The following DOK5 variants were observed in gnomAD, a reference collection of about 807,000 sequenced individuals.
The protein encoded by DOK5 is docking protein 5.
DOK5 carries 27 observed loss-of-function variants against 43.3 expected under a neutral mutation model. The observed-to-expected ratio is 0.62, with a 90% CI of 0.46 to 0.86. The LOEUF (loss-of-function observed/expected upper bound fraction) is 0.86, where lower values mean the gene tolerates loss of function less well. DOK5 is among the 40% of genes least tolerant of loss of function. DOK5 has a pLI of 0.00. For synonymous variants in DOK5, 146 were observed against 140.1 expected, an observed-to-expected ratio of 1.04 and a Z score of -0.30; for missense variants, 373 against 392.9, an observed-to-expected ratio of 0.95 and a Z score of 0.43.
At chr20:54,536,130 A>C (rs528184414) in intron 1 of DOK5, among the ~76,000 whole-genome samples, 2 of 152,250 alleles carry the variant, frequency 1.3e-5, no homozygotes, top group South Asian at 4.1e-4. Flanking sequence ...AGACCAAGGC[A>C]AAAACTAAAA....
At chr20:54,508,471 G>C (rs1039991631) in intron 1 of DOK5, among the ~76,000 whole-genome samples, 2 of 151,034 alleles carry the variant, frequency 1.3e-5, no homozygotes, top group Admixed American at 6.6e-5. Flanking sequence ...TATCTGGAGG[G>C]TGGAAATAAG....
At chr20:54,524,763 T>G (rs773780992) in intron 1 of DOK5, among the ~76,000 whole-genome samples, 8 of 152,216 alleles carry the variant, frequency 5.3e-5, no homozygotes, top group Non-Finnish European at 1.2e-4. Flanking sequence ...CCTAATTTGT[T>G]TTTTCTTTCT....
At chr20:54,572,287 T>A (rs774176757) in intron 2 of DOK5, among the ~76,000 whole-genome samples, 1 of 151,954 alleles carries the variant, frequency 6.6e-6, no homozygotes, top group African/African-American at 2.4e-5. Context: ...CAGCCTCCCG[T>A]GTAGCTGGGA....
At chr20:54,528,411 T>C (rs1983651662) in intron 1 of DOK5, among the ~76,000 whole-genome samples, 1 of 152,164 alleles carries the variant, frequency 6.6e-6, no homozygotes, top group African/African-American at 2.4e-5. Context: ...CTGGTATCTT[T>C]CATGTGTCTG....
intron 2 of DOK5, among the ~76,000 whole-genome samples, chr20:54,569,305 C>T (rs1162352962): frequency 6.6e-6 from 1 of 152,230 alleles, no homozygotes; most frequent in Non-Finnish European, 1.5e-5. Context: ...TATGATCACA[C>T]GAATTGCCCT....
intron 1 of DOK5, among the ~76,000 whole-genome samples, chr20:54,553,896 CA>C (rs761243905): frequency 0.054 from 4,315 of 80,080 alleles, 109 homozygotes; most frequent in African/African-American, 0.11. Context: ...GACTCTGTCT[CA>C]AAAAAAAAAA....
At chr20:54,490,457 A>G (rs1982119962) in intron 1 of DOK5, among the ~76,000 whole-genome samples, 1 of 152,084 alleles carries the variant, frequency 6.6e-6, no homozygotes, top group Non-Finnish European at 1.5e-5. Flanking sequence ...AAGTGTGTCT[A>G]GCCATGTGGC....
intron 2 of DOK5, among the ~76,000 whole-genome samples, chr20:54,558,612 A>G (rs572793954): frequency 2.0e-5 from 3 of 152,224 alleles, no homozygotes; most frequent in Non-Finnish European, 4.4e-5. Flanking sequence ...GGTTATAAGT[A>G]GCACACCGTG....
intron 1 of DOK5, among the ~76,000 whole-genome samples, chr20:54,526,333 C>T (rs188891185): frequency 2.2e-4 from 34 of 152,126 alleles, no homozygotes; most frequent in Admixed American, 1.6e-3. Context: ...AAAGCTGGGA[C>T]GACGACGGCA....
rs528264277 is a variant in DOK5 at position 54,486,271 on chromosome 20, C to T, written c.66+10259C>T. ...TCTTCATTGAGCATTTTCATGTCTT[C>T]GCCTGGGTCCTCTATTCTGTTCCAT... On this transcript the variant is annotated intron_variant, in intron 1 of 7. Transcript: ENST00000262593. Among the ~76,000 whole-genome samples the T allele has an allele frequency of 5.3e-5, 8 of 151,926 alleles. 1 individual carries two copies. In the South Asian group the frequency reaches 1.0e-3, roughly 20 times the overall value.
Position 54,496,435 on chromosome 20 carries a change from T to C in DOK5, c.66+20423T>C, listed in dbSNP as rs957902407. Among the ~76,000 whole-genome samples the C allele has an allele frequency of 2.0e-5, 3 of 152,144 alleles. No homozygotes were observed. In the East Asian group the frequency reaches 5.8e-4, roughly 29 times the overall value. On this transcript the variant is annotated intron_variant, in intron 1 of 7. Coordinates refer to ENST00000262593, the MANE Select transcript of DOK5 (RefSeq NM_018431.5). ...CATATTAAATTTAAGGGAGAGCATA[T>C]TGGATGAATAACATCAGTTCAAGTT...
chr20:54,636,062 G>A (rs1048501045), intron 6 of DOK5, among the ~76,000 whole-genome samples: 7 of 152,146 alleles, frequency 4.6e-5, no homozygotes, highest in Non-Finnish European at 1.0e-4. Context: ...AGGGCCGGAA[G>A]AGAGACCAAG....
intron 1 of DOK5, among the ~76,000 whole-genome samples, chr20:54,551,696 T>C (rs1984536643): frequency 6.6e-6 from 1 of 152,240 alleles, no homozygotes; most frequent in Non-Finnish European, 1.5e-5. Flanking sequence ...TCCACCTTTG[T>C]ATCTGTGTTT....
chr20:54,479,267 T>G (rs1044467242), intron 1 of DOK5, among the ~76,000 whole-genome samples: 4 of 152,188 alleles, frequency 2.6e-5, no homozygotes, highest in Non-Finnish European at 5.9e-5. Flanking sequence ...ACTCAAAAGT[T>G]TCAGTATCTT....
intron 2 of DOK5, among the ~76,000 whole-genome samples, chr20:54,567,113 G>T (rs374301821): frequency 6.6e-6 from 1 of 151,854 alleles, no homozygotes; most frequent in Non-Finnish European, 1.5e-5. Flanking sequence ...TGGAAAATAT[G>T]TTCTCCCAGT....
chr20:54,580,441 C>T (rs1865694990), intron 2 of DOK5, among the ~76,000 whole-genome samples: 1 of 152,084 alleles, frequency 6.6e-6, no homozygotes, highest in African/African-American at 2.4e-5. Context: ...CCCTAAGTGG[C>T]TGCACCTTTT....
intron 1 of DOK5, among the ~76,000 whole-genome samples, chr20:54,503,513 A>C (rs6023308): frequency 6.6e-6 from 1 of 152,074 alleles, no homozygotes; most frequent in African/African-American, 2.4e-5. Flanking sequence ...TCATTTATTC[A>C]TCCTCTTCAC....
At chr20:54,491,313 C>T (rs2146668248) in intron 1 of DOK5, among the ~76,000 whole-genome samples, 2 of 152,230 alleles carry the variant, frequency 1.3e-5, no homozygotes, top group East Asian at 3.9e-4. Flanking sequence ...TAATTGAAAA[C>T]CTGAAATAAC....
chr20:54,507,434 C>T (rs1982850060), intron 1 of DOK5, among the ~76,000 whole-genome samples: 1 of 152,148 alleles, frequency 6.6e-6, no homozygotes, highest in Non-Finnish European at 1.5e-5. Context: ...AAGACATTAT[C>T]ATCTTAACCC....
Sources: gnomAD v4.1 joint callset for allele counts (sites outside exome capture counted in the v4.1 genomes callset) on GRCh38, gnomAD v4.1.1 for gene constraint, MANE v1.5 for transcripts, NCBI Gene and HGNC (gene_info 2026-07-23, HGNC 2026-07-21) for gene names.